HDAC4: variants seen among roughly 807,000 people sequenced by gnomAD.
HDAC4 encodes histone deacetylase A.
In HDAC4, 16 loss-of-function variants were observed where a neutral mutation model predicts 135.1. The ratio of observed to expected loss-of-function variants is 0.12; its 90% confidence interval spans 0.08 to 0.18. The LOEUF (loss-of-function observed/expected upper bound fraction) is 0.18. Among genes scored for constraint, HDAC4 ranks in the 10% least tolerant of loss-of-function variants. HDAC4 has a pLI of 1.00. For missense variants in HDAC4, 1,143 were observed against 1,511.8 expected (o/e 0.76, Z 4.05); for synonymous variants, 685 against 653.4 (o/e 1.05, Z -0.74).
chr2:239,074,118 C>T (rs2152644797), intron 22 of HDAC4, among the ~76,000 whole-genome samples: 1 of 151,958 alleles, frequency 6.6e-6, no homozygotes, highest in Admixed American at 6.6e-5. Context: ...GGGGGCCGCC[C>T]TCTGCTTTCA....
At chr2:239,377,334 G>C (rs1019321465) in intron 1 of HDAC4, among the ~76,000 whole-genome samples, 1 of 152,210 alleles carries the variant, frequency 6.6e-6, no homozygotes. Flanking sequence ...TGCCTCTGGA[G>C]GCCCCAAAAT....
intron 6 of HDAC4, among the ~76,000 whole-genome samples, chr2:239,158,816 C>A (rs564297574): frequency 6.6e-6 from 1 of 152,066 alleles, no homozygotes; most frequent in Non-Finnish European, 1.5e-5. Context: ...CAGGCCAGAC[C>A]GCACACGCGT....
chr2:239,216,691 C>A (rs2046658371), intron 3 of HDAC4, among the ~76,000 whole-genome samples: 2 of 152,354 alleles, frequency 1.3e-5, no homozygotes, highest in South Asian at 4.1e-4. Context: ...CGCCTTCACT[C>A]TGCCCTGCTG....
chr2:239,200,843 G>A (rs981158810), intron 3 of HDAC4, among the ~76,000 whole-genome samples: 1 of 152,188 alleles, frequency 6.6e-6, no homozygotes, highest in African/African-American at 2.4e-5. Context: ...GAAGGCAGCT[G>A]CAGCACATGG....
intron 2 of HDAC4, among the ~76,000 whole-genome samples, chr2:239,281,785 A>G (rs1466098903): frequency 1.2e-4 from 18 of 150,282 alleles, no homozygotes; most frequent in African/African-American, 3.4e-4. Flanking sequence ...CTCTACACAC[A>G]ATATATACAC....
At chr2:239,223,737 T>C (rs1575453191) in intron 3 of HDAC4, among the ~76,000 whole-genome samples, 1 of 151,958 alleles carries the variant, frequency 6.6e-6, no homozygotes, top group African/African-American at 2.4e-5. Flanking sequence ...GTGGAGGCTG[T>C]GCGCTCACAC....
At chr2:239,200,779 G>A (rs2045706361) in intron 3 of HDAC4, among the ~76,000 whole-genome samples, 1 of 152,120 alleles carries the variant, frequency 6.6e-6, no homozygotes, top group South Asian at 2.1e-4. Flanking sequence ...GTCACAGGCA[G>A]ATTGCATTCG....
chr2:239,158,051 C>G (rs3791508), intron 6 of HDAC4, among the ~76,000 whole-genome samples: 80,691 of 152,194 alleles, frequency 0.53, 22,175 homozygotes, highest in South Asian at 0.76. Flanking sequence ...CAGGCTCGGA[C>G]TGCAGGGCTG....
intron 3 of HDAC4, among the ~76,000 whole-genome samples, chr2:239,201,435 G>A (rs546999604): frequency 8.5e-4 from 129 of 152,314 alleles, no homozygotes; most frequent in African/African-American, 2.8e-3. Flanking sequence ...GGGCCTGCCC[G>A]ACCCCTCGGC....
chr2:239,329,948 A>G (rs1691452188), intron 2 of HDAC4, among the ~76,000 whole-genome samples: 1 of 151,692 alleles, frequency 6.6e-6, no homozygotes, highest in Non-Finnish European at 1.5e-5. Flanking sequence ...CCGGAGCAGG[A>G]ATGGGGGAGC....
intron 2 of HDAC4, among the ~76,000 whole-genome samples, chr2:239,302,696 TC>T (rs2052340471): frequency 6.6e-6 from 1 of 152,166 alleles, no homozygotes; most frequent in African/African-American, 2.4e-5. Flanking sequence ...CCCTCCACTC[TC>T]CCTGGGCCTG....
chr2:239,081,734 G>A (rs2035350726), intron 21 of HDAC4, among the ~76,000 whole-genome samples: 2 of 152,326 alleles, frequency 1.3e-5, no homozygotes, highest in East Asian at 1.9e-4. Flanking sequence ...ATGCAGCCCC[G>A]CGCCGGGCAA....
chr2:239,286,685 C>T (rs1444879245), intron 2 of HDAC4, among the ~76,000 whole-genome samples: 1 of 152,244 alleles, frequency 6.6e-6, no homozygotes, highest in Non-Finnish European at 1.5e-5. Context: ...CCTGACAAAA[C>T]TGGGAGCATC....
Position 239,082,129 on chromosome 2 carries a change from G to A in HDAC4, c.2625C>T (p.Phe875=), listed in dbSNP as rs780009951. 1.9e-6 allele frequency: 3 copies of A among 1,614,052 alleles called. No homozygotes were observed. In the African/African-American group the frequency reaches 4.0e-5, roughly 22 times the overall value. Residue 875 remains phenylalanine, a synonymous_variant, in exon 21 of 27, where the codon TTC becomes TTT. Coordinates refer to ENST00000543185, the MANE Select transcript of HDAC4 (RefSeq NM_001378414.1). ...CATCAGGAGCCCCGCTGCCTGGGAA[G>A]AAGTTCCCATCGTCGTAGCGGTGGA... ...MSLHRYDDGN[F]FPGSGAPDEV... is the part of the protein sequence containing the mutation.
intron 3 of HDAC4, among the ~76,000 whole-genome samples, chr2:239,230,426 C>T (rs545204656): frequency 3.1e-4 from 46 of 149,738 alleles, no homozygotes; most frequent in Admixed American, 2.2e-3. Flanking sequence ...CGGACATGAC[C>T]GTCCTGGCCA....
At chr2:239,233,675 T>G (rs2047726532) in intron 3 of HDAC4, among the ~76,000 whole-genome samples, 1 of 152,076 alleles carries the variant, frequency 6.6e-6, no homozygotes, top group South Asian at 2.1e-4. Flanking sequence ...AGAACCATAA[T>G]CAGAAAAAGA....
At chr2:239,094,294 T>C in intron 17 of HDAC4, 2 of 985,416 alleles carry the variant, frequency 2.0e-6, no homozygotes, top group Non-Finnish European at 2.4e-6. Context: ...GAGAACTCTT[T>C]TGTTATTGAG....
chr2:239,157,230 A>G (rs2042480556), intron 6 of HDAC4, among the ~76,000 whole-genome samples: 3 of 152,236 alleles, frequency 2.0e-5, no homozygotes, highest in African/African-American at 4.8e-5. Context: ...CGGTCTAAGA[A>G]CAAACGCTGT....
chr2:239,366,336 A>T (rs1457388646), intron 1 of HDAC4, among the ~76,000 whole-genome samples: 1 of 152,260 alleles, frequency 6.6e-6, no homozygotes, highest in Non-Finnish European at 1.5e-5. Flanking sequence ...ACGCACAAGA[A>T]TAACTGTCCG....
Sources: gnomAD v4.1 joint callset for allele counts (sites outside exome capture counted in the v4.1 genomes callset) on GRCh38, gnomAD v4.1.1 for gene constraint, MANE v1.5 for transcripts, NCBI Gene and HGNC (gene_info 2026-07-23, HGNC 2026-07-21) for gene names.